The following KIAA1217 variants were observed in gnomAD, a reference collection of about 807,000 sequenced individuals.
KIAA1217 encodes the protein KIAA1217.
In KIAA1217, 88 loss-of-function variants were observed where a neutral mutation model predicts 163.9. The ratio of observed to expected loss-of-function variants is 0.54; its 90% CI spans 0.45 to 0.64. KIAA1217 has a LOEUF of 0.64. KIAA1217 is among the 30% of genes least tolerant of loss of function. The probability of loss-of-function intolerance (pLI) is 0.00; values close to 1 mark genes in which losing one functional copy is unlikely to be tolerated. For missense variants in KIAA1217, 2,372 were observed against 2,475.0 expected (o/e 0.96, Z 0.88); for synonymous variants, 903 against 923.1 (o/e 0.98, Z 0.39).
intron 1 of KIAA1217, among the ~76,000 whole-genome samples, chr10:23,716,412 C>T (rs560265635): frequency 6.6e-6 from 1 of 152,208 alleles, no homozygotes; most frequent in East Asian, 1.9e-4. Context: ...CTAGGGGATC[C>T]TTTAGGCTAA....
At chr10:24,066,894 T>C (rs575089926) in intron 2 of KIAA1217, among the ~76,000 whole-genome samples, 13 of 152,312 alleles carry the variant, frequency 8.5e-5, no homozygotes, top group South Asian at 2.1e-4. Context: ...TCATTCATTT[T>C]GTCTTCCATC....
intron 2 of KIAA1217, among the ~76,000 whole-genome samples, chr10:24,221,762 C>T (rs2069684038): frequency 6.6e-6 from 1 of 152,212 alleles, no homozygotes; most frequent in African/African-American, 2.4e-5. Context: ...ACTCTGGGCA[C>T]AGTGGTTCAT....
At chr10:23,832,321 G>A (rs1221862745) in intron 1 of KIAA1217, among the ~76,000 whole-genome samples, 2 of 152,150 alleles carry the variant, frequency 1.3e-5, no homozygotes, top group Non-Finnish European at 2.9e-5. Flanking sequence ...CATAGGGCAA[G>A]GTATGGAGGA....
intron 2 of KIAA1217, among the ~76,000 whole-genome samples, chr10:24,198,421 C>T (rs1198146176): frequency 6.6e-6 from 1 of 151,918 alleles, no homozygotes; most frequent in Admixed American, 6.6e-5. Flanking sequence ...CCAGCCTGGC[C>T]AACACGGCAA....
intron 1 of KIAA1217, among the ~76,000 whole-genome samples, chr10:23,926,429 C>A (rs1466256069): frequency 6.6e-6 from 1 of 152,120 alleles, no homozygotes; most frequent in Non-Finnish European, 1.5e-5. Flanking sequence ...TGCATTAGTC[C>A]TGTTTCAAAG....
chr10:24,166,306 G>C (rs2065342390), intron 2 of KIAA1217, among the ~76,000 whole-genome samples: 1 of 152,070 alleles, frequency 6.6e-6, no homozygotes, highest in African/African-American at 2.4e-5. Flanking sequence ...TAGATTAAAA[G>C]AAAATGCACT....
intron 1 of KIAA1217, among the ~76,000 whole-genome samples, chr10:23,910,905 A>G (rs1289705330): frequency 6.6e-6 from 1 of 152,142 alleles, no homozygotes; most frequent in Non-Finnish European, 1.5e-5. Flanking sequence ...GGCTCCTCCA[A>G]GGATCTACTG....
chr10:24,222,710 A>G (rs2069826736), intron 2 of KIAA1217, among the ~76,000 whole-genome samples: 1 of 152,132 alleles, frequency 6.6e-6, no homozygotes, highest in Non-Finnish European at 1.5e-5. Context: ...GTGTTTTACC[A>G]TGTTGGCCAG....
Position 23,873,093 on chromosome 10 carries a change from AAGC to A in KIAA1217, c.-320-134129_-320-134127del, listed in dbSNP as rs546307707. Among the ~76,000 whole-genome samples the A allele has an allele frequency of 2.0e-5, 3 of 152,222 alleles. No individual in the cohort carries two copies. The South Asian group carries it at 6.2e-4, about 32-fold the overall frequency. On this transcript the variant is annotated intron_variant, in intron 1 of 18. Transcript: ENST00000376462. ...ATGTAAAAAACATGAACCAAGTTAGAAGCAGGATATTCTGATACCAGGAATAGA... is the reference window on the plus strand; with the variant it reads ...ATGTAAAAAACATGAACCAAGTTAGAAGGATATTCTGATACCAGGAATAGA...
At chr10:23,800,783 G>A (rs770176992) in intron 1 of KIAA1217, among the ~76,000 whole-genome samples, 13 of 152,122 alleles carry the variant, frequency 8.5e-5, no homozygotes, top group Non-Finnish European at 1.2e-4. Context: ...AGATACCATC[G>A]CACGGCAGTT....
chr10:23,950,803 C>G (rs1267977003), intron 1 of KIAA1217, among the ~76,000 whole-genome samples: 2 of 152,096 alleles, frequency 1.3e-5, no homozygotes, highest in East Asian at 3.9e-4. Context: ...CTGTTTCTCT[C>G]TAGTAGAACA....
At chr10:24,315,050 G>A (rs2043180867) in intron 2 of KIAA1217, among the ~76,000 whole-genome samples, 1 of 152,176 alleles carries the variant, frequency 6.6e-6, no homozygotes, top group African/African-American at 2.4e-5. Context: ...GGTTCAGACA[G>A]TCTTCCATGG....
intron 2 of KIAA1217, among the ~76,000 whole-genome samples, chr10:24,267,648 G>A (rs2076363525): frequency 1.3e-5 from 2 of 152,190 alleles, no homozygotes; most frequent in Admixed American, 6.5e-5. Flanking sequence ...CTAAGAGAAT[G>A]ATAGACTGCT....
chr10:24,508,586 A>G (rs2068678489), intron 9 of KIAA1217, among the ~76,000 whole-genome samples: 2 of 152,244 alleles, frequency 1.3e-5, no homozygotes, highest in Admixed American at 1.3e-4. Context: ...TATGTGTAAC[A>G]TTAAATGGAA....
intron 2 of KIAA1217, among the ~76,000 whole-genome samples, chr10:24,276,772 G>C (rs182467014): frequency 1.3e-5 from 2 of 152,200 alleles, no homozygotes; most frequent in Non-Finnish European, 2.9e-5. Context: ...ACTACGCCCA[G>C]CTAATTTTTG....
At chr10:23,853,861 T>A (rs1206799885) in intron 1 of KIAA1217, among the ~76,000 whole-genome samples, 1 of 152,106 alleles carries the variant, frequency 6.6e-6, no homozygotes, top group Non-Finnish European at 1.5e-5. Flanking sequence ...GGTGGTGATA[T>A]CCCCTTTATC....
intron 2 of KIAA1217, among the ~76,000 whole-genome samples, chr10:24,300,811 G>A (rs549772297): frequency 4.0e-5 from 6 of 151,652 alleles, no homozygotes; most frequent in Admixed American, 6.6e-5. Context: ...AAGTGAATTC[G>A]CCTGTTTGTT....
At chr10:24,334,185 C>T (rs1232511287) in intron 2 of KIAA1217, among the ~76,000 whole-genome samples, 1 of 152,128 alleles carries the variant, frequency 6.6e-6, no homozygotes, top group African/African-American at 2.4e-5. Context: ...GCCCTTTTGT[C>T]TCTTTCAACT....
chr10:23,889,212 T>C (rs1589020119), intron 1 of KIAA1217, among the ~76,000 whole-genome samples: 2 of 152,018 alleles, frequency 1.3e-5, no homozygotes, highest in East Asian at 2.0e-4. Flanking sequence ...CGTGTATAAC[T>C]TTACCAAAAA....
Sources: allele counts gnomAD v4.1 joint callset (sites outside exome capture counted in the v4.1 genomes callset), GRCh38; gene constraint gnomAD v4.1.1; transcripts MANE v1.5; gene names NCBI Gene and HGNC (gene_info 2026-07-23, HGNC 2026-07-21).